MYO5B: variants seen among roughly 807,000 people sequenced by gnomAD.
MYO5B encodes unconventional myosin-Vb.
Under a neutral mutation model 229.3 loss-of-function variants are expected in MYO5B, and 143 were observed. The ratio of observed to expected loss-of-function variants is 0.62; its 90% CI spans 0.54 to 0.72. The LOEUF (loss-of-function observed/expected upper bound fraction) is 0.72. Among genes scored for constraint, MYO5B ranks in the 30% least tolerant of loss-of-function variants. The pLI is 0.00. For synonymous variants in MYO5B, 918 were observed against 885.2 expected (o/e 1.04, Z -0.66); for missense variants, 2,321 against 2,331.0 (o/e 1.00, Z 0.09).
chr18:49,960,578 C>T (rs940727558), intron 12 of MYO5B, among the ~76,000 whole-genome samples: 6 of 152,172 alleles, frequency 3.9e-5, no homozygotes, highest in Non-Finnish European at 8.8e-5. Flanking sequence ...GCTTAAAATC[C>T]ACCTGTTACT....
At chr18:49,870,304 A>G (rs2024442914) in intron 27 of MYO5B, among the ~76,000 whole-genome samples, 1 of 152,220 alleles carries the variant, frequency 6.6e-6, no homozygotes, top group Non-Finnish European at 1.5e-5. Flanking sequence ...AAGTGGATCA[A>G]AGGCCTAAAT....
In MYO5B at chr18:49,825,303, T is replaced by A. The variant is rs1354208885; in HGVS notation, c.*1168A>T. On this transcript the variant is annotated 3_prime_UTR_variant, in exon 40 of 40. Coordinates refer to ENST00000285039, the MANE Select transcript of MYO5B (RefSeq NM_001080467.3). Reference sequence around the variant, plus strand: ...CCTGTTATATTACTGAATTACTTTTTTAAAATCCTTATTTTGTGGGAGAGA... The same window carrying A: ...CCTGTTATATTACTGAATTACTTTTATAAAATCCTTATTTTGTGGGAGAGA... The A allele has an allele frequency of 6.6e-6, 1 of 152,228 alleles. No individual in the cohort carries two copies. The highest frequency in any genetic ancestry group is 2.4e-5 in the African/African-American group (1 of 41,474). 9.4% of individuals were successfully genotyped at this position (152,228 alleles called of 1,614,324 possible).
At chr18:50,168,146 A>T (rs1045732011) in intron 1 of MYO5B, among the ~76,000 whole-genome samples, 40 of 152,338 alleles carry the variant, frequency 2.6e-4, no homozygotes, top group African/African-American at 9.1e-4. Flanking sequence ...CTAAGGCACC[A>T]ACCCTGCTAA....
chr18:50,134,016 C>A (rs1170512478), intron 1 of MYO5B, among the ~76,000 whole-genome samples: 3 of 152,124 alleles, frequency 2.0e-5, no homozygotes, highest in Non-Finnish European at 4.4e-5. Context: ...GGGAGTGAGA[C>A]AGATACAAGA....
chr18:50,123,410 T>A (rs2144535028), intron 1 of MYO5B, among the ~76,000 whole-genome samples: 1 of 152,224 alleles, frequency 6.6e-6, no homozygotes, highest in Admixed American at 6.5e-5. Context: ...AATGGGTAAT[T>A]GTATATTATG....
intron 1 of MYO5B, among the ~76,000 whole-genome samples, chr18:50,132,931 G>C (rs2032276567): frequency 6.6e-6 from 1 of 152,204 alleles, no homozygotes; most frequent in Non-Finnish European, 1.5e-5. Context: ...CAACCACTGG[G>C]ATGTATTTAA....
chr18:49,877,390 A>G (rs1452726420), intron 25 of MYO5B, among the ~76,000 whole-genome samples: 1 of 152,210 alleles, frequency 6.6e-6, no homozygotes, highest in Non-Finnish European at 1.5e-5. Context: ...ATATTACTAT[A>G]TGCACTATGA....
intron 22 of MYO5B, among the ~76,000 whole-genome samples, chr18:49,882,229 A>G (rs898589941): frequency 2.0e-5 from 3 of 152,118 alleles, no homozygotes; most frequent in Admixed American, 2.0e-4. Context: ...TTCCCCACAG[A>G]ATAATCTCTT....
chr18:50,038,382 G>C (rs1030676630), intron 3 of MYO5B, among the ~76,000 whole-genome samples: 1 of 152,132 alleles, frequency 6.6e-6, no homozygotes, highest in African/African-American at 2.4e-5. Context: ...CCACATAAAG[G>C]GGAAAGGGCC....
intron 8 of MYO5B, among the ~76,000 whole-genome samples, chr18:49,981,747 T>C (rs1219562037): frequency 1.3e-5 from 2 of 152,152 alleles, no homozygotes; most frequent in Non-Finnish European, 2.9e-5. Context: ...TTTGCAGCTA[T>C]CAAAACATAT....
At chr18:50,016,981 T>C (rs1461849923) in intron 4 of MYO5B, among the ~76,000 whole-genome samples, 1 of 147,240 alleles carries the variant, frequency 6.8e-6, no homozygotes, top group East Asian at 2.0e-4. Context: ...TTAAATCTAC[T>C]CCCCCAATCT....
intron 8 of MYO5B, among the ~76,000 whole-genome samples, chr18:49,982,268 G>T (rs6507961): frequency 6.6e-6 from 1 of 152,030 alleles, no homozygotes; most frequent in African/African-American, 2.4e-5. Context: ...AGGGTCTCCC[G>T]TGTTGCCCAG....
At chr18:49,834,814 A>G (rs1048620078) in intron 39 of MYO5B, among the ~76,000 whole-genome samples, 14 of 151,874 alleles carry the variant, frequency 9.2e-5, no homozygotes, top group Admixed American at 9.2e-4. Context: ...AATTTTTTGT[A>G]TTTTTAGTAG....
At chr18:50,057,523 C>T (rs2030580424) in intron 1 of MYO5B, among the ~76,000 whole-genome samples, 1 of 152,136 alleles carries the variant, frequency 6.6e-6, no homozygotes, top group African/African-American at 2.4e-5. Flanking sequence ...ACTCTGCTGG[C>T]CATCACCCTG....
chr18:50,030,200 A>G (rs1177970618), intron 4 of MYO5B, among the ~76,000 whole-genome samples: 1 of 152,154 alleles, frequency 6.6e-6, no homozygotes, highest in Non-Finnish European at 1.5e-5. Flanking sequence ...TTCCATCCCC[A>G]TCATTAGGAA....
In MYO5B at chr18:50,168,946, G is replaced by A. The variant is rs574093242; in HGVS notation, c.27+25821C>T. Among the ~76,000 whole-genome samples the A allele has an allele frequency of 1.3e-4, 16 of 125,008 alleles. 5 individuals are homozygous for A. Among genetic ancestry groups the A allele is most frequent in the Non-Finnish European group, 2.0e-4 (12 of 59,176 alleles). The allele number at this position is 125,008 out of a possible 152,430, so 82.0% of individuals were successfully genotyped here. ...TTTTCCATCAGAAATGTATTATTTC[G>A]ATCCTCCAAGCAACTATCACTTCTG... On this transcript the variant is annotated intron_variant, in intron 1 of 39. Transcript: ENST00000285039.
chr18:49,887,376 A>T (rs191038071), intron 22 of MYO5B, among the ~76,000 whole-genome samples: 2 of 152,058 alleles, frequency 1.3e-5, no homozygotes, highest in Non-Finnish European at 2.9e-5. Context: ...CTGCTCTGTG[A>T]GCCATCTAGA....
chr18:49,860,053 C>T lies in MYO5B; in HGVS notation c.3945-3163G>A, dbSNP rs550345750. Among the ~76,000 whole-genome samples, 5 of 152,264 alleles carry T rather than the reference C, an allele frequency of 3.3e-5. No homozygotes were observed. The South Asian group carries it at 1.0e-3, about 32-fold the overall frequency. On this transcript the variant is annotated intron_variant, in intron 29 of 39. Coordinates refer to ENST00000285039, the MANE Select transcript of MYO5B (RefSeq NM_001080467.3). ...AAGCCCAGGTGCCAATGCCTGGAGG[C>T]CTCCTGTCTTGCCGGGGACCTGCTG... is the stretch of plus-strand genomic sequence containing the variant.
rs1598928561 is a variant in MYO5B, at chr18:49,980,351, G to A, written c.1056+93C>T. 1.9e-5 allele frequency: 17 copies of A among 907,038 alleles called. No homozygotes were observed. In the East Asian group the frequency reaches 4.0e-4, roughly 22 times the overall value. The allele number at this position is 907,038 out of a possible 1,614,324, so 56.2% of individuals were successfully genotyped here. A position where few individuals can be genotyped will look rare whatever the true frequency, so the allele number is the denominator to read the frequency against. ...TTACTGTTAAGAATAAATAACCTAT[G>A]AGTGTCCTCTAACTGGAAAGACACA... is the stretch of plus-strand genomic sequence containing the variant. On this transcript the variant is annotated intron_variant, in intron 9 of 39. Coordinates refer to ENST00000285039, the MANE Select transcript of MYO5B (RefSeq NM_001080467.3).
Sources: allele counts gnomAD v4.1 joint callset (sites outside exome capture counted in the v4.1 genomes callset), GRCh38; gene constraint gnomAD v4.1.1; transcripts MANE v1.5; gene names NCBI Gene and HGNC (gene_info 2026-07-23, HGNC 2026-07-21).